The following MYT1L variants were observed in gnomAD, a reference collection of about 807,000 sequenced individuals.
The protein encoded by MYT1L is myelin transcription factor 1 like.
Under a neutral mutation model 126.7 loss-of-function variants are expected in MYT1L, and 12 were observed. The observed-to-expected ratio is 0.09, with a 90% CI of 0.06 to 0.15. The LOEUF is 0.15. Ranked by LOEUF, MYT1L falls within the 10% of genes least tolerant of loss-of-function variation. The pLI is 1.00. For missense variants in MYT1L, 979 were observed against 1,585.2 expected, an observed-to-expected ratio of 0.62 and a Z score of 6.49; for synonymous variants, 541 against 604.2, an observed-to-expected ratio of 0.90 and a Z score of 1.53.
intron 18 of MYT1L, among the ~76,000 whole-genome samples, chr2:1,861,569 G>C (rs1033065702): frequency 3.3e-5 from 5 of 151,564 alleles, no homozygotes; most frequent in African/African-American, 9.7e-5. Flanking sequence ...ATCGGGGTTT[G>C]GGGGGGTGTT....
At chr2:1,926,725 G>T (rs1421120437) in intron 9 of MYT1L, among the ~76,000 whole-genome samples, 1 of 152,202 alleles carries the variant, frequency 6.6e-6, no homozygotes, top group East Asian at 1.9e-4. Context: ...ACCATGTAGA[G>T]ACAAGGTTTT....
chr2:2,123,297 T>C (rs1321229769), intron 3 of MYT1L, among the ~76,000 whole-genome samples: 4 of 152,138 alleles, frequency 2.6e-5, no homozygotes, highest in African/African-American at 9.7e-5. Context: ...CTAAAGCGAA[T>C]CCCTAGAACC....
intron 18 of MYT1L, among the ~76,000 whole-genome samples, chr2:1,881,229 G>A (rs1388096568): frequency 1.3e-5 from 2 of 152,258 alleles, no homozygotes; most frequent in East Asian, 1.9e-4. Context: ...GGCTCCTGCT[G>A]CTGGGCTCGC....
intron 8 of MYT1L, among the ~76,000 whole-genome samples, chr2:1,947,618 C>T (rs1050240247): frequency 5.9e-5 from 9 of 152,240 alleles, no homozygotes; most frequent in African/African-American, 1.7e-4. Context: ...AGAGGGCCCG[C>T]CCACTTTCAT....
intron 3 of MYT1L, among the ~76,000 whole-genome samples, chr2:2,075,460 C>A (rs891490011): frequency 3.3e-5 from 5 of 152,102 alleles, no homozygotes; most frequent in Non-Finnish European, 7.3e-5. Context: ...TAAGAAAAGA[C>A]CCTAAGATGA....
intron 23 of MYT1L, among the ~76,000 whole-genome samples, chr2:1,798,225 C>G (rs1572333115): frequency 8.1e-6 from 1 of 123,440 alleles, no homozygotes; most frequent in Non-Finnish European, 1.7e-5. Context: ...CGGTCTCCCT[C>G]CATCCGGCAC....
intron 9 of MYT1L, among the ~76,000 whole-genome samples, chr2:1,936,551 T>A (rs2055914467): frequency 6.6e-6 from 1 of 152,186 alleles, no homozygotes; most frequent in Non-Finnish European, 1.5e-5. Context: ...GTGTCCACAG[T>A]CTTCCTCTGG....
At chr2:1,821,296 C>T (rs2038489565) in intron 21 of MYT1L, among the ~76,000 whole-genome samples, 1 of 150,782 alleles carries the variant, frequency 6.6e-6, no homozygotes, top group African/African-American at 2.5e-5. Flanking sequence ...ATTACTAACT[C>T]TCCTGAATTC....
intron 2 of MYT1L, among the ~76,000 whole-genome samples, chr2:2,262,390 CAAA>C: frequency 6.7e-6 from 1 of 149,722 alleles, no homozygotes; most frequent in African/African-American, 2.5e-5. Context: ...CAAACAACAA[CAAA>C]AAAAAACCAA....
intron 8 of MYT1L, among the ~76,000 whole-genome samples, chr2:1,964,383 G>A (rs138759039): frequency 6.6e-6 from 1 of 152,338 alleles, no homozygotes; most frequent in Non-Finnish European, 1.5e-5. Context: ...CAGAGACACT[G>A]AGTGAGCACG....
At chr2:2,010,670 T>G (rs868751380) in intron 4 of MYT1L, among the ~76,000 whole-genome samples, 1 of 152,190 alleles carries the variant, frequency 6.6e-6, no homozygotes, top group East Asian at 1.9e-4. Context: ...TGATCTTCTA[T>G]GCAATGGCTT....
intron 3 of MYT1L, among the ~76,000 whole-genome samples, chr2:2,159,971 C>T (rs981707302): frequency 2.0e-5 from 3 of 152,098 alleles, no homozygotes; most frequent in Non-Finnish European, 4.4e-5. Context: ...TGCGATAGCA[C>T]CCAGGTCTGT....
At chr2:1,829,271 AC>A (rs1471146172) in intron 21 of MYT1L, among the ~76,000 whole-genome samples, 18 of 151,130 alleles carry the variant, frequency 1.2e-4, no homozygotes, top group African/African-American at 3.9e-4. Context: ...ACACCTGTGA[AC>A]TGACCCTCCC....
At chr2:1,809,492 G>A (rs995071233) in intron 21 of MYT1L, among the ~76,000 whole-genome samples, 1 of 152,126 alleles carries the variant, frequency 6.6e-6, no homozygotes, top group African/African-American at 2.4e-5. Flanking sequence ...GAGCTTTTTG[G>A]AACTTTTGTA....
chr2:2,119,038 A>T (rs2080605718), intron 3 of MYT1L, among the ~76,000 whole-genome samples: 1 of 152,276 alleles, frequency 6.6e-6, no homozygotes. Flanking sequence ...TGTGGTTAAG[A>T]CAAACATTTG....
intron 21 of MYT1L, among the ~76,000 whole-genome samples, chr2:1,833,701 G>A (rs1317643863): frequency 5.9e-5 from 9 of 152,190 alleles, no homozygotes; most frequent in Admixed American, 4.6e-4. Context: ...CCCAGGAGCC[G>A]GGATGGGGCC....
intron 5 of MYT1L, among the ~76,000 whole-genome samples, chr2:1,996,281 C>G (rs1264233018): frequency 6.6e-6 from 1 of 151,658 alleles, no homozygotes; most frequent in East Asian, 1.9e-4. Flanking sequence ...CTGTACAGAA[C>G]CGAGTGTAGA....
intron 3 of MYT1L, among the ~76,000 whole-genome samples, chr2:2,100,450 G>C (rs1282560398): frequency 6.6e-6 from 1 of 152,048 alleles, no homozygotes; most frequent in East Asian, 1.9e-4. Flanking sequence ...TGAGTTCCCA[G>C]AGGCCCACAT....
At chr2:2,125,350 A>C (rs1282224423) in intron 3 of MYT1L, among the ~76,000 whole-genome samples, 2 of 152,186 alleles carry the variant, frequency 1.3e-5, no homozygotes, top group East Asian at 3.8e-4. Context: ...TTCTACTTAA[A>C]ACCTTTAACA....
Sources: allele counts gnomAD v4.1 joint callset (sites outside exome capture counted in the v4.1 genomes callset), GRCh38; gene constraint gnomAD v4.1.1; transcripts MANE v1.5; gene names NCBI Gene and HGNC (gene_info 2026-07-23, HGNC 2026-07-21).